SDC1: variants seen among roughly 807,000 people sequenced by gnomAD.
SDC1 encodes syndecan 1, also known as syndecan-1.
In SDC1, 14 loss-of-function variants were observed where a neutral mutation model predicts 29.7. That is an observed-to-expected ratio of 0.47 (90% confidence interval 0.31 to 0.74). The LOEUF (loss-of-function observed/expected upper bound fraction) is 0.74. Ranked by LOEUF, SDC1 falls within the 30% of genes least tolerant of loss-of-function variation. The probability of loss-of-function intolerance (pLI) is 0.05; values close to 1 mark genes in which losing one functional copy is unlikely to be tolerated. For missense variants in SDC1, 406 were observed against 400.3 expected (o/e 1.01, Z -0.12); for synonymous variants, 204 against 175.5 (o/e 1.16, Z -1.29).
At chr2:20,206,812 C>A (rs1677285992) in intron 1 of SDC1, among the ~76,000 whole-genome samples, 1 of 152,224 alleles carries the variant, frequency 6.6e-6, no homozygotes, top group Non-Finnish European at 1.5e-5. Flanking sequence ...TGCCAAAATT[C>A]AATGAAGCTA....
chr2:20,224,668 G>A lies in SDC1; in HGVS notation c.66+134C>T, dbSNP rs1677934215. On this transcript the variant is annotated intron_variant, in intron 1 of 4. Coordinates refer to ENST00000254351, the MANE Select transcript of SDC1 (RefSeq NM_002997.5). This position sits in a 1 kb window ranked among gnomAD's most constrained non-coding sequence, Gnocchi z 4.9. ...CCCTGGTCTCGGGGCTCACCGTCCCGGGACCCGCTGGGCTAGCGCGGGAAG... is the reference window on the plus strand; with the variant it reads ...CCCTGGTCTCGGGGCTCACCGTCCCAGGACCCGCTGGGCTAGCGCGGGAAG... 2 of 1,086,220 alleles carry A rather than the reference G, an allele frequency of 1.8e-6. No homozygotes were observed. Among genetic ancestry groups the A allele is most frequent in the Non-Finnish European group, 1.2e-6 (1 of 868,924 alleles). The allele number at this position is 1,086,220 out of a possible 1,614,324, so 67.3% of individuals were successfully genotyped here.
intron 1 of SDC1, among the ~76,000 whole-genome samples, chr2:20,222,811 G>C (rs1677862872): frequency 6.6e-6 from 1 of 152,200 alleles, no homozygotes; most frequent in Non-Finnish European, 1.5e-5. Context: ...TGGAATGTCT[G>C]CTTTACCCCA....
rs1355053705 is a variant in SDC1, at chr2:20,203,840, G to A, written c.600C>T (p.Leu200=). 2 of 1,601,378 alleles carry A rather than the reference G, an allele frequency of 1.2e-6. No individual in the cohort carries two copies. Among genetic ancestry groups the A allele is most frequent in the Admixed American group, 1.8e-5 (1 of 54,852 alleles). ...RAAEDGASSQ[L]PAAEGSGEQD... ...GCTCCCCAGAGCCCTCTGCTGCTGG[G>A]AGCTGACTGGAGGCTCCATCCTCAG... Residue 200 remains leucine (L), a synonymous_variant, in exon 3 of 5, where the codon CTC becomes CTT. Coordinates refer to ENST00000254351, the MANE Select transcript of SDC1 (RefSeq NM_002997.5).
In SDC1 at chr2:20,219,036, C is replaced by T. The variant is rs577503189; in HGVS notation, c.66+5766G>A. Reference sequence around the variant, plus strand: ...AACCAGTGGCAGCCTCGGGAAGCCCCGAGCGCAGCAGGAGAGGTCGCTGGG... The same window carrying T: ...AACCAGTGGCAGCCTCGGGAAGCCCTGAGCGCAGCAGGAGAGGTCGCTGGG... On this transcript the variant is annotated intron_variant, in intron 1 of 4. Coordinates refer to ENST00000254351, the MANE Select transcript of SDC1 (RefSeq NM_002997.5). Among the ~76,000 whole-genome samples, 8 of 152,288 alleles carry T rather than the reference C, an allele frequency of 5.3e-5. No homozygotes were observed. The East Asian group carries it at 5.8e-4, about 11-fold the overall frequency.
chr2:20,202,002 T>C lies in SDC1; in HGVS notation c.*764A>G, dbSNP rs778301216. 24 of 399,832 alleles carry C rather than the reference T, an allele frequency of 6.0e-5. No individual in the cohort carries two copies. The highest frequency in any genetic ancestry group is 6.5e-4 in the Middle Eastern group (1 of 1,550). 24.8% of individuals were successfully genotyped at this position (399,832 alleles called of 1,614,324 possible). On this transcript the variant is annotated 3_prime_UTR_variant, in exon 5 of 5. Coordinates refer to ENST00000254351, the MANE Select transcript of SDC1 (RefSeq NM_002997.5). ...ACCAGAAACGGGGCCACCAGACAGA[T>C]AGTCCATACCCTGTTGCACACATGA...
Position 20,202,083 on chromosome 2 carries a change from T to G in SDC1, c.*683A>C, listed in dbSNP as rs1024071916. The G allele has an allele frequency of 5.5e-6, 3 of 547,418 alleles. No individual in the cohort carries two copies. The highest frequency in any genetic ancestry group is 9.6e-6 in the Non-Finnish European group (3 of 313,262). The allele number at this position is 547,418 out of a possible 1,614,324, so 33.9% of individuals were successfully genotyped here. On this transcript the variant is annotated 3_prime_UTR_variant, in exon 5 of 5. Coordinates refer to ENST00000254351, the MANE Select transcript of SDC1 (RefSeq NM_002997.5). ...AAGCCTACATTTTGGCTTCCAGATT[T>G]GGTTCTCCTAGTTTAAAAAAAAAAA...
chr2:20,210,539 A>G (rs1283842798), intron 1 of SDC1, among the ~76,000 whole-genome samples: 1 of 152,234 alleles, frequency 6.6e-6, no homozygotes, highest in South Asian at 2.1e-4. Context: ...TGGGCAGCGC[A>G]GGGGGCCTCT....
At chr2:20,220,763 T>C (rs1677793805) in intron 1 of SDC1, among the ~76,000 whole-genome samples, 2 of 152,228 alleles carry the variant, frequency 1.3e-5, no homozygotes, top group African/African-American at 4.8e-5. Context: ...GAGTTGAGAC[T>C]CAGTCCTGGG....
In SDC1 at chr2:20,209,890, C is replaced by T. The variant is rs578044991; in HGVS notation, c.67-4466G>A. Among the ~76,000 whole-genome samples the T allele has an allele frequency of 2.2e-4, 34 of 152,352 alleles. No individual in the cohort carries two copies. In the East Asian group the frequency reaches 2.9e-3, roughly 13 times the overall value. ...CTCAGACAGGTTCGACGGGGGGCAGCGGGCCCAGTCGCTAACCCGAGAGGT... is the reference window on the plus strand; with the variant it reads ...CTCAGACAGGTTCGACGGGGGGCAGTGGGCCCAGTCGCTAACCCGAGAGGT... On this transcript the variant is annotated intron_variant, in intron 1 of 4. Coordinates refer to ENST00000254351, the MANE Select transcript of SDC1 (RefSeq NM_002997.5).
At chr2:20,212,266 T>C (rs1263298730) in intron 1 of SDC1, among the ~76,000 whole-genome samples, 1 of 152,208 alleles carries the variant, frequency 6.6e-6, no homozygotes, top group Non-Finnish European at 1.5e-5. Flanking sequence ...GTCTGGCCTC[T>C]GTCCCTAAAT....
rs1286136210 is a variant in SDC1, at chr2:20,203,897, C to A, written c.543G>T (p.Glu181Asp). Reference protein sequence around the residue: ...SQADLHTPHTEDGGPSATERA... With the variant: ...SQADLHTPHTDDGGPSATERA... ...TCTCGGTGGCAGAAGGACCTCCATCCTCTGTGTGGGGAGTGTGAAGGTCAG... is the reference window on the plus strand; with the variant it reads ...TCTCGGTGGCAGAAGGACCTCCATCATCTGTGTGGGGAGTGTGAAGGTCAG... The change falls in exon 3 of 5, where the codon GAG (glutamate) becomes GAT (aspartate). Residue 181 changes from glutamate (E) to aspartate (D), a missense_variant. Glu to Asp is a conservative substitution (Grantham distance 45). Transcript: ENST00000254351. The A allele has an allele frequency of 6.2e-7, 1 of 1,612,068 alleles. No individual in the cohort carries two copies. Among genetic ancestry groups the A allele is most frequent in the South Asian group, 1.1e-5 (1 of 90,964 alleles).
At position 20,224,791 on chromosome 2, in the gene SDC1, G is replaced by A; in HGVS notation, c.66+11C>T. On this transcript the variant is annotated intron_variant, in intron 1 of 4. Transcript: ENST00000254351. The surrounding 1 kb of genome is among the most constrained non-coding windows in gnomAD (Gnocchi z 4.9). ...CCGCCGCCTCCCCGCCTGGCCGCCGGCCGCACTCACCGGCAGGGCCGGCTG... is the reference window on the plus strand; with the variant it reads ...CCGCCGCCTCCCCGCCTGGCCGCCGACCGCACTCACCGGCAGGGCCGGCTG... 1.5e-6 allele frequency: 2 copies of A among 1,306,946 alleles called. No individual in the cohort carries two copies. The allele number at this position is 1,306,946 out of a possible 1,614,324, so 81.0% of individuals were successfully genotyped here.
At chr2:20,209,880 C>CG (rs934174928) in intron 1 of SDC1, among the ~76,000 whole-genome samples, 3 of 152,196 alleles carry the variant, frequency 2.0e-5, no homozygotes, top group South Asian at 2.1e-4. Flanking sequence ...ACAGGTTCGA[C>CG]GGGGGGCAGC....
chr2:20,214,473 A>G (rs1677572096), intron 1 of SDC1, among the ~76,000 whole-genome samples: 1 of 152,198 alleles, frequency 6.6e-6, no homozygotes, highest in Non-Finnish European at 1.5e-5. Flanking sequence ...CTGGGAAGCC[A>G]GGTGGATCCT....
chr2:20,203,285 A>C, intron 3 of SDC1, 63 bp from the exon 4 acceptor site: 3 of 1,539,810 alleles, frequency 1.9e-6, no homozygotes, highest in Non-Finnish European at 2.6e-6. Context: ...AACCAGCTCC[A>C]CTACAAGACC....
intron 1 of SDC1, among the ~76,000 whole-genome samples, chr2:20,216,355 C>T (rs774577498): frequency 1.3e-5 from 2 of 152,140 alleles, no homozygotes; most frequent in African/African-American, 2.4e-5. Flanking sequence ...GGACCCTCCC[C>T]GATACCCCAT....
At chr2:20,211,621 G>A (rs1177785310) in intron 1 of SDC1, among the ~76,000 whole-genome samples, 3 of 152,240 alleles carry the variant, frequency 2.0e-5, no homozygotes, top group African/African-American at 7.2e-5. Flanking sequence ...CCACCAGCCG[G>A]CCCGGCTGGA....
At position 20,204,049 on chromosome 2, in the gene SDC1, G is replaced by A. The variant is rs776325041; in HGVS notation, c.391C>T (p.Leu131Phe). The part of the protein sequence containing the change: ...ATPRPRETTQ[L>F]PTTHLASTTT... Reference sequence around the variant, plus strand: ...GTTGAGGCCAGATGAGTGGTCGGGAGCTGTGTGGTCTCCCTGGGTCGGGGG... The same window carrying A: ...GTTGAGGCCAGATGAGTGGTCGGGAACTGTGTGGTCTCCCTGGGTCGGGGG... Residue 131 changes from leucine to phenylalanine, a missense_variant, in exon 3 of 5, where the codon CTC becomes TTC. By Grantham distance (22) the Leu-to-Phe change is conservative (BLOSUM62 0). Transcript: ENST00000254351. The A allele has an allele frequency of 2.5e-6, 4 of 1,612,298 alleles. No homozygotes were observed. The highest frequency in any genetic ancestry group is 3.3e-5 in the Admixed American group (2 of 60,004).
At chr2:20,205,615 A>G (rs1677238357) in intron 1 of SDC1, among the ~76,000 whole-genome samples, 191 bp from the exon 2 acceptor site, 1 of 152,122 alleles carries the variant, frequency 6.6e-6, no homozygotes, top group Non-Finnish European at 1.5e-5. Context: ...CCATCCCCTG[A>G]TGCTACAACA....
Sources: allele counts gnomAD v4.1 joint callset (sites outside exome capture counted in the v4.1 genomes callset), GRCh38; gene constraint gnomAD v4.1.1; non-coding constraint Gnocchi (gnomAD v3.1); transcripts MANE v1.5; gene names NCBI Gene and HGNC (gene_info 2026-07-23, HGNC 2026-07-21).